ZFAND4: variants seen among roughly 807,000 people sequenced by gnomAD.
The protein encoded by ZFAND4 is AN1-type zinc finger protein 4.
ZFAND4 carries 43 observed loss-of-function variants against 64.4 expected under a neutral mutation model. The ratio of observed to expected loss-of-function variants is 0.67; its 90% CI spans 0.52 to 0.86. The LOEUF (loss-of-function observed/expected upper bound fraction) is 0.86, where lower values mean the gene tolerates loss of function less well. Ranked by LOEUF, ZFAND4 falls within the 40% of genes least tolerant of loss-of-function variation. The probability of loss-of-function intolerance (pLI) is 0.00; values close to 1 mark genes in which losing one functional copy is unlikely to be tolerated. For missense variants in ZFAND4, 929 were observed against 859.8 expected, an observed-to-expected ratio of 1.08 and a Z score of -1.01; for synonymous variants, 296 against 305.7, an observed-to-expected ratio of 0.97 and a Z score of 0.33.
rs192550619 is a variant in ZFAND4, at chr10:45,642,400, G to T, written c.570-2437C>A. Among the ~76,000 whole-genome samples, 2,633 of 152,108 alleles carry T rather than the reference G, an allele frequency of 0.017. 245 individuals are homozygous for T. In the East Asian group the frequency reaches 0.29, roughly 17 times the overall value. On this transcript the variant is annotated intron_variant, in intron 5 of 9. Coordinates refer to ENST00000344646, the MANE Select transcript of ZFAND4 (RefSeq NM_174890.4). ...AGGCGGGTGGATCACGAGGTCAGGA[G>T]ATCGAGACCATCCTGGCTAACATGG...
chr10:45,620,077 C>A (rs78576894), intron 8 of ZFAND4, among the ~76,000 whole-genome samples: 5,139 of 152,268 alleles, frequency 0.034, 97 homozygotes, highest in East Asian at 0.053. Context: ...CTTCCTTAAA[C>A]AATGGTGGAA....
At chr10:45,640,470 A>ATT (rs2046916794) in intron 5 of ZFAND4, 1 of 1,169,926 alleles carries the variant, frequency 8.5e-7, no homozygotes, top group Admixed American at 4.0e-5. Context: ...TCATCAGAAC[A>ATT]TTTTCTATTC....
At position 45,624,631 on chromosome 10, in the gene ZFAND4, G is replaced by C. The variant is rs758100430; in HGVS notation, c.1879C>G (p.His627Asp). 2.5e-6 allele frequency: 4 copies of C among 1,613,564 alleles called. No homozygotes were observed. The highest frequency in any genetic ancestry group is 3.4e-6 in the Non-Finnish European group (4 of 1,179,708). Residue 627 changes from histidine to aspartate, a missense_variant, in exon 8 of 10, where the codon CAT becomes GAT. By Grantham distance (81) the His-to-Asp change is moderately conservative (BLOSUM62 -1). Coordinates refer to ENST00000344646, the MANE Select transcript of ZFAND4 (RefSeq NM_174890.4). Reference sequence around the variant, plus strand: ...TTATTTCCATTCATTCCAACACCATGGGTAGACTACAATTAAAACACAAAA... The same window carrying C: ...TTATTTCCATTCATTCCAACACCATCGGTAGACTACAATTAAAACACAAAA... Reference protein sequence around the residue: ...LEHTGVFLSTHGVGMNGNNAA... With the variant: ...LEHTGVFLSTDGVGMNGNNAA...
intron 2 of ZFAND4, 81 bp downstream of exon 2, chr10:45,663,461 T>A: frequency 9.0e-7 from 1 of 1,111,144 alleles, no homozygotes; most frequent in Non-Finnish European, 1.3e-6. Flanking sequence ...ATTGTCTCCA[T>A]TAAAATACTT....
At chr10:45,662,707 G>T (rs1227376324) in intron 2 of ZFAND4, 12 of 964,374 alleles carry the variant, frequency 1.2e-5, no homozygotes, top group Non-Finnish European at 1.4e-5. Context: ...ATATTCAGGA[G>T]CTCATATATA....
At chr10:45,625,892 A>T in intron 7 of ZFAND4, 59 bp downstream of exon 7, 1 of 1,478,634 alleles carries the variant, frequency 6.8e-7, no homozygotes, top group African/African-American at 1.4e-5. Context: ...ACCAAACTTT[A>T]AATAAGTTGA....
chr10:45,663,186 A>G (rs2048590215), intron 2 of ZFAND4, among the ~76,000 whole-genome samples: 1 of 152,124 alleles, frequency 6.6e-6, no homozygotes, highest in Non-Finnish European at 1.5e-5. Flanking sequence ...AAGGGAATAT[A>G]ATTACTATTT....
At chr10:45,644,943 G>C (rs572268879) in intron 5 of ZFAND4, among the ~76,000 whole-genome samples, 1 of 150,700 alleles carries the variant, frequency 6.6e-6, no homozygotes, top group Admixed American at 6.6e-5. Context: ...AAACTTATTG[G>C]ACAAATTTAT....
rs192192621 is a variant in ZFAND4, at chr10:45,665,417, T to A, written c.-117-1575A>T. Among the ~76,000 whole-genome samples the A allele has an allele frequency of 3.5e-3, 527 of 152,126 alleles. 4 individuals carry two copies. Among genetic ancestry groups the A allele is most frequent in the African/African-American group, 0.012 (504 of 41,480 alleles). ...TTAGCCAGGAATGGTGGCGCACACCTGTAGTCCCAGCTACTCGGGAGGCTG... is the reference window on the plus strand; with the variant it reads ...TTAGCCAGGAATGGTGGCGCACACCAGTAGTCCCAGCTACTCGGGAGGCTG... On this transcript the variant is annotated intron_variant, in intron 1 of 9. Transcript: ENST00000344646.
intron 1 of ZFAND4, among the ~76,000 whole-genome samples, chr10:45,666,425 A>G (rs1028080415): frequency 2.0e-5 from 3 of 152,076 alleles, no homozygotes; most frequent in African/African-American, 7.2e-5. Context: ...ATGAGTTTTT[A>G]TATTACATAT....
Position 45,626,713 on chromosome 10 carries a change from A to C in ZFAND4, c.1110T>G (p.Phe370Leu). The C allele has an allele frequency of 1.2e-6, 2 of 1,614,214 alleles. No homozygotes were observed. Among genetic ancestry groups the C allele is most frequent in the Non-Finnish European group, 8.5e-7 (1 of 1,180,038 alleles). Residue 370 changes from phenylalanine (F) to leucine (L), a missense_variant, in exon 7 of 10, where the codon TTT (phenylalanine) becomes TTG (leucine). Transcript: ENST00000344646. ...GSSLPRQTKHFLGNLPSSNGN... is the reference protein window; with the variant it reads ...GSSLPRQTKHLLGNLPSSNGN... ...CATTACTAGATGGCAAGTTTCCTAAAAAATGTTTTGTTTGCCTAGGCAGGG... is the reference window on the plus strand; with the variant it reads ...CATTACTAGATGGCAAGTTTCCTAACAAATGTTTTGTTTGCCTAGGCAGGG...
At chr10:45,656,758 G>C (rs187406000) in intron 2 of ZFAND4, among the ~76,000 whole-genome samples, 162 of 152,136 alleles carry the variant, frequency 1.1e-3, no homozygotes, top group Non-Finnish European at 1.5e-3. Context: ...GGGGGTCTTT[G>C]GAGGTAATTA....
chr10:45,640,365 T>C, intron 5 of ZFAND4: 2 of 1,276,616 alleles, frequency 1.6e-6, no homozygotes, highest in Non-Finnish European at 2.0e-6. Flanking sequence ...TCAGAATTTT[T>C]TTAAATTTGG....
chr10:45,616,285 C>CAGT lies in ZFAND4; in HGVS notation c.*148_*150dup. 9.9e-7 allele frequency: 1 copy of CAGT among 1,013,132 alleles called. No individual in the cohort carries two copies. The allele number at this position is 1,013,132 out of a possible 1,614,324, so 62.8% of individuals were successfully genotyped here. A position where few individuals can be genotyped will look rare whatever the true frequency, so the allele number is the denominator to read the frequency against. The stretch of plus-strand genomic sequence containing the variant: ...CACCAAGAAATAAAGATGTAAAATA[C>CAGT]AGTAGCATTCTTGTTCTCCAACAGT... On this transcript the variant is annotated 3_prime_UTR_variant, in exon 10 of 10. Coordinates refer to ENST00000344646, the MANE Select transcript of ZFAND4 (RefSeq NM_174890.4).
chr10:45,633,958 CA>C (rs1357356388), intron 6 of ZFAND4, among the ~76,000 whole-genome samples: 1 of 152,046 alleles, frequency 6.6e-6, no homozygotes, highest in African/African-American at 2.4e-5. Context: ...AGATTAAAAA[CA>C]ATATAAAATG....
chr10:45,658,707 T>C (rs890078526), intron 2 of ZFAND4, among the ~76,000 whole-genome samples: 1 of 152,206 alleles, frequency 6.6e-6, no homozygotes, highest in Non-Finnish European at 1.5e-5. Context: ...AAAAAAATAT[T>C]TTTAGCAAAA....
chr10:45,640,165 A>T, intron 5 of ZFAND4: 1 of 1,251,272 alleles, frequency 8.0e-7, no homozygotes, highest in African/African-American at 1.5e-5. Flanking sequence ...ATTATGATCT[A>T]GGATTACTGA....
intron 6 of ZFAND4, among the ~76,000 whole-genome samples, chr10:45,633,266 C>T (rs2046345008): frequency 6.7e-6 from 1 of 149,802 alleles, no homozygotes; most frequent in South Asian, 2.1e-4. Context: ...ATCTAGCAAA[C>T]TTTTACCTTT....
intron 6 of ZFAND4, among the ~76,000 whole-genome samples, chr10:45,630,222 T>C (rs1164781034): frequency 2.6e-5 from 4 of 152,144 alleles, no homozygotes; most frequent in African/African-American, 7.2e-5. Flanking sequence ...AAATTAAGTA[T>C]CTTTTAGTAT....
Sources: allele counts gnomAD v4.1 joint callset (sites outside exome capture counted in the v4.1 genomes callset), GRCh38; gene constraint gnomAD v4.1.1; transcripts MANE v1.5; gene names NCBI Gene and HGNC (gene_info 2026-07-23, HGNC 2026-07-21).